Variants in BACE2 observed in about 807,000 individuals in gnomAD.
The protein encoded by BACE2 is 56 kDa aspartic-like protease.
Under a neutral mutation model 46.2 loss-of-function variants are expected in BACE2, and 17 were observed. The observed-to-expected ratio is 0.37, with a 90% CI of 0.25 to 0.55. The LOEUF is 0.55. Ranked by LOEUF, BACE2 falls within the 20% of genes least tolerant of loss-of-function variation. BACE2 has a pLI of 0.82. For synonymous variants in BACE2, 277 were observed against 295.9 expected (o/e 0.94, Z 0.66); for missense variants, 595 against 698.1 (o/e 0.85, Z 1.66).
At chr21:41,228,747 C>T (rs373720664) in intron 2 of BACE2, among the ~76,000 whole-genome samples, 20 of 152,318 alleles carry the variant, frequency 1.3e-4, no homozygotes, top group African/African-American at 4.8e-4. Context: ...CAAATTTCAA[C>T]ATGAGAATTG....
At chr21:41,207,602 C>A (rs988310761) in intron 1 of BACE2, among the ~76,000 whole-genome samples, 17 of 152,156 alleles carry the variant, frequency 1.1e-4, no homozygotes, top group African/African-American at 3.9e-4. Context: ...ACTCCTTGTT[C>A]TCTCTCTCTG....
chr21:41,200,882 G>A (rs1047825853), intron 1 of BACE2, among the ~76,000 whole-genome samples: 14 of 152,188 alleles, frequency 9.2e-5, no homozygotes, highest in African/African-American at 3.4e-4. Flanking sequence ...CGTGTCCGTT[G>A]TTTAAGCTGC....
intron 2 of BACE2, among the ~76,000 whole-genome samples, chr21:41,233,827 G>C (rs372983775): frequency 6.6e-6 from 1 of 152,224 alleles, no homozygotes; most frequent in South Asian, 2.1e-4. Context: ...TGGGCATGGT[G>C]GCATGCGCCT....
intron 8 of BACE2, among the ~76,000 whole-genome samples, chr21:41,264,639 T>G (rs1021371878): frequency 6.6e-6 from 1 of 152,026 alleles, no homozygotes; most frequent in Non-Finnish European, 1.5e-5. Flanking sequence ...CAACCATATC[T>G]TGTGAGAACT....
At position 41,204,386 on chromosome 21, in the gene BACE2, T is replaced by C. The variant is rs182909511; in HGVS notation, c.313-21880T>C. 3.9e-4 allele frequency among the ~76,000 whole-genome samples: 60 copies of C among 152,082 alleles called. No homozygotes were observed. The East Asian group carries it at 9.1e-3, about 23-fold the overall frequency. ...TCAAGATGGGAGATATGATGTCCCA[T>C]GTATAATAAGCGGGAGTGATCCTGG... On this transcript the variant is annotated intron_variant, in intron 1 of 8. Transcript: ENST00000330333.
chr21:41,218,705 GATAA>G (rs1345204713), intron 1 of BACE2, among the ~76,000 whole-genome samples: 1 of 152,086 alleles, frequency 6.6e-6, no homozygotes, highest in Non-Finnish European at 1.5e-5. Context: ...TCTGACAGAT[GATAA>G]ATAAAAAATA....
intron 1 of BACE2, among the ~76,000 whole-genome samples, chr21:41,221,694 G>A (rs574118411): frequency 4.6e-5 from 7 of 152,264 alleles, no homozygotes; most frequent in Non-Finnish European, 5.9e-5. Flanking sequence ...TGGGCGTGGT[G>A]GCGGGAGCCT....
intron 1 of BACE2, among the ~76,000 whole-genome samples, chr21:41,210,631 T>C (rs1026222752): frequency 2.0e-5 from 3 of 152,162 alleles, no homozygotes; most frequent in Admixed American, 6.5e-5. Flanking sequence ...GCAGCTCGGA[T>C]TGGGCAGGAG....
chr21:41,229,011 G>A (rs1408322096), intron 2 of BACE2, among the ~76,000 whole-genome samples: 1 of 152,206 alleles, frequency 6.6e-6, no homozygotes, highest in Non-Finnish European at 1.5e-5. Flanking sequence ...AAAGTGGTGT[G>A]GGATGGGAAC....
intron 7 of BACE2, among the ~76,000 whole-genome samples, chr21:41,254,879 C>T (rs917774899): frequency 2.0e-5 from 3 of 152,228 alleles, no homozygotes; most frequent in African/African-American, 4.8e-5. Flanking sequence ...AGGCTGCCTA[C>T]TTTTAAAACT....
rs73902980 is a variant in BACE2, at chr21:41,250,488, T to C, written c.985-264T>C. On this transcript the variant is annotated intron_variant, in intron 6 of 8. Coordinates refer to ENST00000330333, the MANE Select transcript of BACE2 (RefSeq NM_012105.5). ...ATAATGCTATCACACTGGTTGAGAATTGAAGTAATTATTGCTGCAAAGGGC... is the reference window on the plus strand; with the variant it reads ...ATAATGCTATCACACTGGTTGAGAACTGAAGTAATTATTGCTGCAAAGGGC... 1.1e-3 allele frequency among the ~76,000 whole-genome samples: 167 copies of C among 152,316 alleles called. 1 individual carries two copies. The highest frequency in any genetic ancestry group is 3.5e-3 in the African/African-American group (145 of 41,570).
chr21:41,260,081 GC>G (rs1050800968), intron 8 of BACE2, among the ~76,000 whole-genome samples: 2 of 149,480 alleles, frequency 1.3e-5, no homozygotes, highest in Non-Finnish European at 3.0e-5. Flanking sequence ...TGACCCCCCG[GC>G]CCCGCCGTGG....
chr21:41,169,440 C>G (rs1422981201), intron 1 of BACE2, among the ~76,000 whole-genome samples: 1 of 139,724 alleles, frequency 7.2e-6, no homozygotes, highest in Non-Finnish European at 1.5e-5. Context: ...TTCCCAAGCA[C>G]AGTGATCTGA....
At chr21:41,219,880 A>G (rs1051382997) in intron 1 of BACE2, among the ~76,000 whole-genome samples, 1 of 152,194 alleles carries the variant, frequency 6.6e-6, no homozygotes, top group Non-Finnish European at 1.5e-5. Flanking sequence ...CGGTTCTGCG[A>G]CAGACACCAG....
At chr21:41,194,307 C>T (rs984904361) in intron 1 of BACE2, among the ~76,000 whole-genome samples, 1 of 152,162 alleles carries the variant, frequency 6.6e-6, no homozygotes, top group African/African-American at 2.4e-5. Context: ...CTGTGCCCAC[C>T]TGACCTTATC....
intron 1 of BACE2, among the ~76,000 whole-genome samples, chr21:41,207,522 C>T (rs1986166532): frequency 6.6e-6 from 1 of 152,114 alleles, no homozygotes. Flanking sequence ...ATTGTGTAAC[C>T]TCAGAGGCTT....
chr21:41,218,844 C>T (rs532913499), intron 1 of BACE2, among the ~76,000 whole-genome samples: 136 of 151,812 alleles, frequency 9.0e-4, no homozygotes, highest in African/African-American at 3.1e-3. Context: ...CCTGGAGCAC[C>T]CCCTGTCCCT....
At chr21:41,256,304 T>C (rs1601314092) in intron 7 of BACE2, among the ~76,000 whole-genome samples, 1 of 152,198 alleles carries the variant, frequency 6.6e-6, no homozygotes, top group Admixed American at 6.5e-5. Flanking sequence ...TGTGTTCTTA[T>C]TGTTCAACTC....
intron 1 of BACE2, among the ~76,000 whole-genome samples, chr21:41,174,138 C>CTTTTTTTTTTTTTTTTTTTTTTTTTTTT (rs1568853912): frequency 5.7e-5 from 4 of 70,648 alleles, no homozygotes; most frequent in African/African-American, 2.8e-4. Flanking sequence ...TGATCAGTGG[C>CTTTTTTTTTTTTTTTTTTTTTTTTTTTT]CTTTTTTTTT....
Sources: allele counts gnomAD v4.1 joint callset (sites outside exome capture counted in the v4.1 genomes callset), GRCh38; gene constraint gnomAD v4.1.1; transcripts MANE v1.5; gene names NCBI Gene and HGNC (gene_info 2026-07-23, HGNC 2026-07-21).